Variants in FBXL7 observed in about 807,000 individuals in gnomAD.
FBXL7 encodes F-box and leucine rich repeat protein 7.
FBXL7 carries 12 observed loss-of-function variants against 38.3 expected under a neutral mutation model. That is an observed-to-expected ratio of 0.31 (90% CI 0.20 to 0.51). The LOEUF is 0.51. Among genes scored for constraint, FBXL7 ranks in the 20% least tolerant of loss-of-function variants. The pLI, the probability that FBXL7 is intolerant of heterozygous loss-of-function variation, is 0.98. For synonymous variants in FBXL7, 297 were observed against 300.9 expected (o/e 0.99, Z 0.13); for missense variants, 567 against 676.4 (o/e 0.84, Z 1.79).
At chr5:15,560,357 G>T (rs892964374) in intron 1 of FBXL7, among the ~76,000 whole-genome samples, 6 of 152,132 alleles carry the variant, frequency 3.9e-5, no homozygotes, top group African/African-American at 1.4e-4. Context: ...TAGCCAGTGA[G>T]CCATAAGTTA....
At chr5:15,616,749 T>G (rs1489721200) in intron 2 of FBXL7, among the ~76,000 whole-genome samples, 1 of 152,236 alleles carries the variant, frequency 6.6e-6, no homozygotes, top group Non-Finnish European at 1.5e-5. Flanking sequence ...AGTGGAAAGT[T>G]GACCCAATTA....
intron 2 of FBXL7, among the ~76,000 whole-genome samples, chr5:15,893,143 T>C (rs1175107419): frequency 6.7e-6 from 1 of 149,070 alleles, no homozygotes; most frequent in Non-Finnish European, 1.5e-5. Flanking sequence ...AAATCAAGGC[T>C]TAGAGAGTTA....
chr5:15,761,995 C>A (rs1026307520), intron 2 of FBXL7, among the ~76,000 whole-genome samples: 1 of 152,188 alleles, frequency 6.6e-6, no homozygotes, highest in African/African-American at 2.4e-5. Flanking sequence ...TCATGCAACA[C>A]ACGTTCATTA....
At chr5:15,914,231 A>G (rs1741521793) in intron 2 of FBXL7, among the ~76,000 whole-genome samples, 2 of 151,948 alleles carry the variant, frequency 1.3e-5, no homozygotes, top group South Asian at 4.2e-4. Context: ...CTAAACATAC[A>G]AAAAATTAGT....
chr5:15,933,892 A>G (rs1489946196), intron 3 of FBXL7, among the ~76,000 whole-genome samples: 1 of 152,188 alleles, frequency 6.6e-6, no homozygotes, highest in Non-Finnish European at 1.5e-5. Context: ...ATTTGAGAAG[A>G]GCAGAGAGAA....
At chr5:15,605,334 G>C (rs1739968188) in intron 1 of FBXL7, among the ~76,000 whole-genome samples, 1 of 152,208 alleles carries the variant, frequency 6.6e-6, no homozygotes, top group Non-Finnish European at 1.5e-5. Context: ...AGCACCCCAA[G>C]TGTTCATCAG....
At position 15,554,351 on chromosome 5, in the gene FBXL7, T is replaced by C. The variant is rs1048510826; in HGVS notation, c.37+53638T>C. ...TCCCTGTCTAATTCACTGGTGAACA[T>C]TGAAGTCCCCAGTAAAACTTGTGCT... On this transcript the variant is annotated intron_variant, in intron 1 of 3. Coordinates refer to ENST00000504595, the MANE Select transcript of FBXL7 (RefSeq NM_012304.5). Among the ~76,000 whole-genome samples, 7 of 152,202 alleles carry C rather than the reference T, an allele frequency of 4.6e-5. 1 individual carries two copies. The highest frequency in any genetic ancestry group is 1.3e-4 in the Admixed American group (2 of 15,284).
At chr5:15,720,817 TTATTA>T (rs896594502) in intron 2 of FBXL7, among the ~76,000 whole-genome samples, 4 of 122,652 alleles carry the variant, frequency 3.3e-5, no homozygotes, top group African/African-American at 5.5e-5. Context: ...TATAATATTA[TTATTA>T]TATTGTATAA....
At chr5:15,574,833 G>A (rs576102643) in intron 1 of FBXL7, among the ~76,000 whole-genome samples, 24 of 152,288 alleles carry the variant, frequency 1.6e-4, no homozygotes, top group African/African-American at 5.5e-4. Context: ...ATTATGGAAA[G>A]TAAGAAAACA....
intron 2 of FBXL7, among the ~76,000 whole-genome samples, chr5:15,904,683 ATC>A: frequency 6.6e-6 from 1 of 152,220 alleles, no homozygotes; most frequent in South Asian, 2.1e-4. Context: ...CCCTAAAAAA[ATC>A]TCTATTTCAT....
intron 2 of FBXL7, among the ~76,000 whole-genome samples, chr5:15,793,576 A>G (rs1737332507): frequency 6.6e-6 from 1 of 152,226 alleles, no homozygotes; most frequent in Non-Finnish European, 1.5e-5. Flanking sequence ...TCAAGAGGTT[A>G]GAACATGAAC....
chr5:15,582,386 C>A (rs1380823502), intron 1 of FBXL7, among the ~76,000 whole-genome samples: 1 of 152,192 alleles, frequency 6.6e-6, no homozygotes, highest in Non-Finnish European at 1.5e-5. Context: ...TCAATTTGAT[C>A]TTCTCTGTTC....
intron 2 of FBXL7, among the ~76,000 whole-genome samples, chr5:15,914,463 C>G (rs572957892): frequency 1.3e-5 from 2 of 151,456 alleles, no homozygotes; most frequent in East Asian, 1.9e-4. Context: ...AAAAAAGCAC[C>G]AAGCATTTGG....
At chr5:15,795,417 G>A (rs257779) in intron 2 of FBXL7, among the ~76,000 whole-genome samples, 81,511 of 152,034 alleles carry the variant, frequency 0.54, 23,058 homozygotes, top group Non-Finnish European at 0.64. Flanking sequence ...TTTTAAATGT[G>A]TGTCAATTCT....
At chr5:15,627,577 A>G (rs1740860482) in intron 2 of FBXL7, among the ~76,000 whole-genome samples, 1 of 152,178 alleles carries the variant, frequency 6.6e-6, no homozygotes, top group African/African-American at 2.4e-5. Flanking sequence ...TGTTCTTTGT[A>G]CTAGGGTTTC....
At chr5:15,683,136 A>G (rs983434016) in intron 2 of FBXL7, among the ~76,000 whole-genome samples, 2 of 152,200 alleles carry the variant, frequency 1.3e-5, no homozygotes, top group African/African-American at 4.8e-5. Context: ...GAATTAATTA[A>G]TCAACCACAG....
At chr5:15,800,011 A>T (rs1737520784) in intron 2 of FBXL7, among the ~76,000 whole-genome samples, 1 of 152,182 alleles carries the variant, frequency 6.6e-6, no homozygotes, top group South Asian at 2.1e-4. Flanking sequence ...GTCAGGAAAC[A>T]GTGATTTTGG....
chr5:15,561,026 GT>G (rs1028544824), intron 1 of FBXL7, among the ~76,000 whole-genome samples: 9 of 152,064 alleles, frequency 5.9e-5, no homozygotes, highest in African/African-American at 2.2e-4. Context: ...ACATGTTTCC[GT>G]TTTTTGTGGA....
intron 2 of FBXL7, among the ~76,000 whole-genome samples, chr5:15,828,591 C>T (rs1738375789): frequency 6.6e-6 from 1 of 152,180 alleles, no homozygotes; most frequent in Non-Finnish European, 1.5e-5. Flanking sequence ...GAGATGGCTT[C>T]TTGACTCTGC....
Sources: allele counts gnomAD v4.1 joint callset (sites outside exome capture counted in the v4.1 genomes callset), GRCh38; gene constraint gnomAD v4.1.1; transcripts MANE v1.5; gene names NCBI Gene and HGNC (gene_info 2026-07-23, HGNC 2026-07-21).